KCNK10: variants seen among roughly 807,000 people sequenced by gnomAD.
KCNK10 encodes potassium channel subfamily K member 10.
Under a neutral mutation model 47.7 loss-of-function variants are expected in KCNK10, and 25 were observed. The ratio of observed to expected loss-of-function variants is 0.52; its 90% confidence interval spans 0.38 to 0.73. KCNK10 has a LOEUF of 0.73. Among genes scored for constraint, KCNK10 ranks in the 30% least tolerant of loss-of-function variants. KCNK10 has a pLI of 0.00. For missense variants in KCNK10, 563 were observed against 714.5 expected, an observed-to-expected ratio of 0.79 and a Z score of 2.42; for synonymous variants, 303 against 285.6, an observed-to-expected ratio of 1.06 and a Z score of -0.61.
At chr14:88,187,322 T>C (rs1236506487) in intron 6 of KCNK10, among the ~76,000 whole-genome samples, 2 of 152,150 alleles carry the variant, frequency 1.3e-5, no homozygotes, top group African/African-American at 4.8e-5. Context: ...TCCTCCTTTC[T>C]TTTCCTCTCT....
chr14:88,206,043 G>T (rs926423027), intron 4 of KCNK10, among the ~76,000 whole-genome samples: 1 of 152,192 alleles, frequency 6.6e-6, no homozygotes, highest in Non-Finnish European at 1.5e-5. Context: ...ACACACATAT[G>T]CATATAATAA....
intron 2 of KCNK10, among the ~76,000 whole-genome samples, chr14:88,254,661 G>C (rs1184797036): frequency 1.3e-5 from 2 of 152,174 alleles, no homozygotes; most frequent in Non-Finnish European, 1.5e-5. Flanking sequence ...AGTCAGTATA[G>C]AAGCTTCTAA....
At chr14:88,296,429 C>T (rs1470417611) in intron 1 of KCNK10, among the ~76,000 whole-genome samples, 1 of 152,190 alleles carries the variant, frequency 6.6e-6, no homozygotes, top group Non-Finnish European at 1.5e-5. Context: ...ATAGGACACT[C>T]GATAAATGCG....
chr14:88,245,064 G>A (rs1173401218), intron 2 of KCNK10, among the ~76,000 whole-genome samples: 2 of 152,092 alleles, frequency 1.3e-5, no homozygotes, highest in South Asian at 4.1e-4. Context: ...CACCCACTCA[G>A]CTACCCAGTA....
At chr14:88,311,544 G>A (rs3850388) in intron 1 of KCNK10, among the ~76,000 whole-genome samples, 137,888 of 152,130 alleles carry the variant, frequency 0.91, 63,199 homozygotes, top group Non-Finnish European at 0.98. Context: ...AAATCTCATG[G>A]TCTATACCAG....
chr14:88,271,046 C>T (rs1887395392), intron 1 of KCNK10: 3 of 499,184 alleles, frequency 6.0e-6, no homozygotes, highest in Middle Eastern at 5.1e-4. Context: ...CCCAGAGAAA[C>T]AGGTCTCGCT....
chr14:88,264,184 A>T (rs897617241), intron 1 of KCNK10, among the ~76,000 whole-genome samples: 4 of 152,208 alleles, frequency 2.6e-5, no homozygotes, highest in African/African-American at 9.7e-5. Context: ...ATTGGAAAAA[A>T]ACTGTTTCCT....
intron 1 of KCNK10, among the ~76,000 whole-genome samples, chr14:88,319,270 T>C (rs1460137349): frequency 6.6e-6 from 1 of 152,196 alleles, no homozygotes; most frequent in African/African-American, 2.4e-5. Context: ...ACCTTCATTT[T>C]TTGCTATTAA....
At chr14:88,261,079 C>T (rs1887097141) in intron 2 of KCNK10, among the ~76,000 whole-genome samples, 1 of 152,232 alleles carries the variant, frequency 6.6e-6, no homozygotes, top group African/African-American at 2.4e-5. Context: ...CAGTGTTCTA[C>T]AATTTGCTTT....
intron 2 of KCNK10, among the ~76,000 whole-genome samples, chr14:88,244,982 AG>A (rs926541941): frequency 3.3e-5 from 5 of 152,246 alleles, no homozygotes; most frequent in African/African-American, 1.2e-4. Context: ...TGTAGATAAG[AG>A]GGCATTACTT....
At chr14:88,305,207 A>G (rs1343336643) in intron 1 of KCNK10, among the ~76,000 whole-genome samples, 1 of 152,116 alleles carries the variant, frequency 6.6e-6, no homozygotes, top group African/African-American at 2.4e-5. Flanking sequence ...CTCGAAAAAA[A>G]AAAGAAGAAG....
At position 88,248,281 on chromosome 14, in the gene KCNK10, C is replaced by T. The variant is rs115975925; in HGVS notation, c.403-7461G>A. 5.0e-3 allele frequency among the ~76,000 whole-genome samples: 765 copies of T among 152,264 alleles called. 8 individuals are homozygous for T. Among genetic ancestry groups the T allele is most frequent in the African/African-American group, 0.018 (741 of 41,552 alleles). ...CTAAATGGAAGGTTACTATTCCTTC[C>T]ATTGCCATTGCATTGAACAGAGCCT... On this transcript the variant is annotated intron_variant, in intron 2 of 6. Transcript: ENST00000319231.
chr14:88,318,210 GA>G (rs1888468829), intron 1 of KCNK10, among the ~76,000 whole-genome samples: 2 of 152,174 alleles, frequency 1.3e-5, no homozygotes, highest in African/African-American at 2.4e-5. Context: ...TTATAGCTGA[GA>G]GGCGTCCTGC....
Position 88,186,218 on chromosome 14 carries a change from C to T in KCNK10, c.1012-63G>A. On this transcript the variant is annotated intron_variant, in intron 6 of 6. Coordinates refer to ENST00000319231, the MANE Select transcript of KCNK10 (RefSeq NM_138317.3). This position sits in a 1 kb window ranked among gnomAD's most constrained non-coding sequence, Gnocchi z 5.5. ...ATGCCTCCCTGCCTTGGCCTCCCAG[C>T]ACCCACAGCCCTCGGGTGTCCCCAC... 2 of 1,504,474 alleles carry T rather than the reference C, an allele frequency of 1.3e-6. No individual in the cohort carries two copies. The highest frequency in any genetic ancestry group is 2.4e-5 in the East Asian group (1 of 42,228). 93.2% of individuals were successfully genotyped at this position (1,504,474 alleles called of 1,614,324 possible). A position where few individuals can be genotyped will look rare whatever the true frequency, so the allele number is the denominator to read the frequency against.
At chr14:88,211,562 C>T (rs10144867) in intron 4 of KCNK10, among the ~76,000 whole-genome samples, 1 of 152,124 alleles carries the variant, frequency 6.6e-6, no homozygotes, top group African/African-American at 2.4e-5. Flanking sequence ...TTGAAGCAGG[C>T]TCTAAAGTAT....
chr14:88,211,940 T>C (rs1000190625), intron 4 of KCNK10, among the ~76,000 whole-genome samples: 2 of 148,180 alleles, frequency 1.3e-5, no homozygotes, highest in African/African-American at 5.0e-5. Flanking sequence ...ATGGCCAGGA[T>C]GAAAATGTTA....
chr14:88,187,160 A>T lies in KCNK10; in HGVS notation c.1011+807T>A, dbSNP rs573979491. ...ACCAGGAAAATTAGCATATGGGCCCAGGAAACTGATGTGGGAAATCTCTCC... is the reference window on the plus strand; with the variant it reads ...ACCAGGAAAATTAGCATATGGGCCCTGGAAACTGATGTGGGAAATCTCTCC... On this transcript the variant is annotated intron_variant, in intron 6 of 6. Coordinates refer to ENST00000319231, the MANE Select transcript of KCNK10 (RefSeq NM_138317.3). 6.6e-5 allele frequency among the ~76,000 whole-genome samples: 10 copies of T among 152,296 alleles called. No individual in the cohort carries two copies. The South Asian group carries it at 2.1e-3, about 32-fold the overall frequency.
intron 1 of KCNK10, among the ~76,000 whole-genome samples, chr14:88,305,032 T>C (rs1888177987): frequency 6.6e-6 from 1 of 152,112 alleles, no homozygotes; most frequent in African/African-American, 2.4e-5. Context: ...ACCCCACCTC[T>C]ACCAAAAAAT....
chr14:88,293,371 T>G (rs58536385), intron 1 of KCNK10, among the ~76,000 whole-genome samples: 1 of 152,028 alleles, frequency 6.6e-6, no homozygotes, highest in Non-Finnish European at 1.5e-5. Flanking sequence ...TAGAATAGCA[T>G]AGTTGATTTT....
Sources: gnomAD v4.1 joint callset for allele counts (sites outside exome capture counted in the v4.1 genomes callset) on GRCh38, gnomAD v4.1.1 for gene constraint, Gnocchi (gnomAD v3.1) non-coding constraint, MANE v1.5 for transcripts, NCBI Gene and HGNC (gene_info 2026-07-23, HGNC 2026-07-21) for gene names.